KCNB2: variants seen among roughly 807,000 people sequenced by gnomAD.
The protein encoded by KCNB2 is potassium voltage-gated channel subfamily B member 2.
In KCNB2, 15 loss-of-function variants were observed where a neutral mutation model predicts 61.5. That is an observed-to-expected ratio of 0.24 (90% CI 0.16 to 0.38). The LOEUF (loss-of-function observed/expected upper bound fraction) is 0.38, where lower values mean the gene tolerates loss of function less well. Among genes scored for constraint, KCNB2 ranks in the 10% least tolerant of loss-of-function variants. The pLI, the probability that KCNB2 is intolerant of heterozygous loss-of-function variation, is 1.00. For synonymous variants in KCNB2, 457 were observed against 446.0 expected (o/e 1.02, Z -0.31); for missense variants, 828 against 1,125.2 (o/e 0.74, Z 3.78).
chr8:72,666,197 T>A (rs1563553481), intron 2 of KCNB2, among the ~76,000 whole-genome samples: 1 of 152,262 alleles, frequency 6.6e-6, no homozygotes, highest in Non-Finnish European at 1.5e-5. Flanking sequence ...ATGCAATTAA[T>A]ACAATGAGAT....
intron 2 of KCNB2, among the ~76,000 whole-genome samples, chr8:72,578,253 AGT>A (rs1019614393): frequency 1.0e-3 from 158 of 152,328 alleles, no homozygotes; most frequent in African/African-American, 3.5e-3. Flanking sequence ...GTTCTATTTC[AGT>A]GCATTTTTTA....
intron 2 of KCNB2, among the ~76,000 whole-genome samples, chr8:72,826,872 T>C (rs185259499): frequency 1.2e-3 from 180 of 152,366 alleles, no homozygotes; most frequent in African/African-American, 3.7e-3. Flanking sequence ...TTCTGTGCCA[T>C]TTATGATGGC....
chr8:72,643,402 T>C (rs914893186), intron 2 of KCNB2, among the ~76,000 whole-genome samples: 6 of 152,098 alleles, frequency 3.9e-5, no homozygotes, highest in African/African-American at 1.4e-4. Context: ...CACCCCAGAC[T>C]CTGCATCAAC....
At chr8:72,708,311 CTT>C (rs10714238) in intron 2 of KCNB2, among the ~76,000 whole-genome samples, 1 of 152,026 alleles carries the variant, frequency 6.6e-6, no homozygotes, top group Non-Finnish European at 1.5e-5. Flanking sequence ...GGCTTAGTTT[CTT>C]TTTTTCTTTG....
intron 2 of KCNB2, among the ~76,000 whole-genome samples, chr8:72,588,344 G>A (rs1026014704): frequency 2.4e-4 from 36 of 151,086 alleles, no homozygotes; most frequent in African/African-American, 7.6e-4. Context: ...TCAGCCTCTC[G>A]AATAGCTGGG....
intron 2 of KCNB2, among the ~76,000 whole-genome samples, chr8:72,924,512 C>A (rs1231072011): frequency 6.6e-6 from 1 of 152,138 alleles, no homozygotes; most frequent in Non-Finnish European, 1.5e-5. Context: ...CTAATCTGTT[C>A]CCAGGTGATG....
intron 2 of KCNB2, among the ~76,000 whole-genome samples, chr8:72,845,915 C>T (rs940004162): frequency 3.3e-5 from 5 of 151,620 alleles, no homozygotes; most frequent in South Asian, 2.1e-4. Flanking sequence ...CCACTTGGTT[C>T]GCTGGCTTCA....
intron 2 of KCNB2, among the ~76,000 whole-genome samples, chr8:72,683,150 T>C (rs1806790183): frequency 6.6e-6 from 1 of 152,220 alleles, no homozygotes. Context: ...TCCTATGTAA[T>C]GTCAGGAAAT....
chr8:72,931,784 G>A (rs1806790098), intron 2 of KCNB2, among the ~76,000 whole-genome samples: 1 of 152,152 alleles, frequency 6.6e-6, no homozygotes, highest in Non-Finnish European at 1.5e-5. Context: ...GGCCAAGGTG[G>A]GTGAATCAAC....
intron 2 of KCNB2, among the ~76,000 whole-genome samples, chr8:72,846,881 C>T (rs1017292614): frequency 6.6e-6 from 1 of 152,060 alleles, no homozygotes; most frequent in African/African-American, 2.4e-5. Flanking sequence ...CTAGAAATAC[C>T]ATTTGACCCA....
chr8:72,555,036 C>T (rs2128977646), intron 1 of KCNB2, among the ~76,000 whole-genome samples: 1 of 152,100 alleles, frequency 6.6e-6, no homozygotes, highest in South Asian at 2.1e-4. Context: ...TCCTTCAATT[C>T]AAGGAAAATT....
chr8:72,873,593 C>T (rs1805652431), intron 2 of KCNB2, among the ~76,000 whole-genome samples: 1 of 152,188 alleles, frequency 6.6e-6, no homozygotes, highest in Non-Finnish European at 1.5e-5. Context: ...CTGGCGGGGC[C>T]AAGCTGACCA....
intron 2 of KCNB2, among the ~76,000 whole-genome samples, chr8:72,573,427 G>A (rs572200262): frequency 7.5e-4 from 114 of 152,310 alleles, no homozygotes; most frequent in African/African-American, 2.6e-3. Context: ...GACCATCTTA[G>A]TGGTAAGAAA....
intron 2 of KCNB2, among the ~76,000 whole-genome samples, chr8:72,882,557 A>AGAGAGAGAGAGAGAGAGAGAGAGAGAG (rs1220336466): frequency 9.6e-4 from 69 of 71,654 alleles, no homozygotes; most frequent in Admixed American, 1.4e-3. Context: ...GAGAGAGAGA[A>AGAGAGAGAGAGAGAGAGAGAGAGAGAG]TGTGTGTCTT....
In KCNB2 at chr8:72,646,222, TTTTA is replaced by T. The variant is rs892550056; in HGVS notation, c.579+77916_579+77919del. On this transcript the variant is annotated intron_variant, in intron 2 of 2. Transcript: ENST00000523207. ...TATATAATATCTTCAAATATATACATTTTATTTATTAATGCTGTTTGAATTATAT... is the reference window on the plus strand; with the variant it reads ...TATATAATATCTTCAAATATATACATTTTATTAATGCTGTTTGAATTATAT... 1.1e-3 allele frequency among the ~76,000 whole-genome samples: 164 copies of T among 152,162 alleles called. 1 individual carries two copies. The highest frequency in any genetic ancestry group is 3.7e-3 in the African/African-American group (155 of 41,548).
chr8:72,924,166 G>T (rs180997865), intron 2 of KCNB2, among the ~76,000 whole-genome samples: 6 of 152,312 alleles, frequency 3.9e-5, no homozygotes, highest in Admixed American at 1.3e-4. Flanking sequence ...GTCAAGCACA[G>T]GCTGGGAGAG....
At chr8:72,734,687 A>G (rs1189315910) in intron 2 of KCNB2, among the ~76,000 whole-genome samples, 1 of 152,224 alleles carries the variant, frequency 6.6e-6, no homozygotes, top group Admixed American at 6.6e-5. Context: ...AATACCAAGT[A>G]GACTGAACAC....
intron 2 of KCNB2, among the ~76,000 whole-genome samples, chr8:72,697,116 A>G (rs553790961): frequency 2.3e-4 from 35 of 152,304 alleles, no homozygotes; most frequent in African/African-American, 7.5e-4. Context: ...TTCAAAGCCT[A>G]TAATCAAACT....
intron 2 of KCNB2, among the ~76,000 whole-genome samples, chr8:72,767,171 A>ACAG: frequency 6.6e-6 from 1 of 152,352 alleles, no homozygotes; most frequent in South Asian, 2.1e-4. Context: ...GGGTGGGGAC[A>ACAG]CAGCCAAACC....
Sources: gnomAD v4.1 joint callset for allele counts (sites outside exome capture counted in the v4.1 genomes callset) on GRCh38, gnomAD v4.1.1 for gene constraint, MANE v1.5 for transcripts, NCBI Gene and HGNC (gene_info 2026-07-23, HGNC 2026-07-21) for gene names.